KCNH7: variants seen among roughly 807,000 people sequenced by gnomAD.
KCNH7 encodes voltage-gated inwardly rectifying potassium channel KCNH7.
Under a neutral mutation model 120.8 loss-of-function variants are expected in KCNH7, and 49 were observed. That is an observed-to-expected ratio of 0.41 (90% CI 0.32 to 0.51). The LOEUF (loss-of-function observed/expected upper bound fraction) is 0.51, where lower values mean the gene tolerates loss of function less well. Ranked by LOEUF, KCNH7 falls within the 20% of genes least tolerant of loss-of-function variation. KCNH7 has a pLI of 0.38. For missense variants in KCNH7, 1,097 were observed against 1,446.6 expected, an observed-to-expected ratio of 0.76 and a Z score of 3.92; for synonymous variants, 547 against 516.1, an observed-to-expected ratio of 1.06 and a Z score of -0.81.
In KCNH7 at chr2:162,504,447, G is replaced by T; in HGVS notation, c.1124C>A (p.Thr375Asn). Reference sequence around the variant, plus strand: ...GATAAGAAAATTGTGTCCTACCTGGGTCACTTTCTCAGTCACATTGTGTGT... The same window carrying T: ...GATAAGAAAATTGTGTCCTACCTGGTTCACTTTCTCAGTCACATTGTGTGT... ...DRTHNVTEKVTQVLSLGADVL... is the reference protein window; with the variant it reads ...DRTHNVTEKVNQVLSLGADVL... The change falls in exon 6 of 16, where the codon ACC becomes AAC. Residue 375 changes from threonine to asparagine, a missense_variant. Physicochemically the swap from Thr to Asn is moderately conservative, Grantham distance 65 (BLOSUM62 0). Coordinates refer to ENST00000332142, the MANE Select transcript of KCNH7 (RefSeq NM_033272.4). The T allele has an allele frequency of 6.2e-7, 1 of 1,609,516 alleles. No homozygotes were observed.
At chr2:162,600,432 T>A (rs1476641720) in intron 2 of KCNH7, among the ~76,000 whole-genome samples, 1 of 152,114 alleles carries the variant, frequency 6.6e-6, no homozygotes, top group Non-Finnish European at 1.5e-5. Flanking sequence ...GGGTGGACAA[T>A]TTTGTCTCTG....
intron 2 of KCNH7, among the ~76,000 whole-genome samples, chr2:162,747,375 A>G (rs181897242): frequency 6.6e-6 from 1 of 152,318 alleles, no homozygotes; most frequent in African/African-American, 2.4e-5. Context: ...AAAAGGACAG[A>G]AGGCAGCATC....
chr2:162,451,545 C>G (rs1174647740), intron 6 of KCNH7, among the ~76,000 whole-genome samples: 1 of 151,934 alleles, frequency 6.6e-6, no homozygotes, highest in African/African-American at 2.4e-5. Flanking sequence ...CACAGAATGT[C>G]AACTGGGGTA....
At chr2:162,574,027 T>C (rs1167132013) in intron 2 of KCNH7, among the ~76,000 whole-genome samples, 2 of 152,058 alleles carry the variant, frequency 1.3e-5, no homozygotes. Context: ...TCAAATCTTT[T>C]AAGTAGGTAA....
At chr2:162,769,049 CT>C in intron 2 of KCNH7, 1 of 152,258 alleles carries the variant, frequency 6.6e-6, no homozygotes, top group Non-Finnish European at 1.5e-5. Flanking sequence ...TCAGATTATT[CT>C]TGTTTAACTT....
intron 2 of KCNH7, among the ~76,000 whole-genome samples, chr2:162,569,656 T>C (rs1326402085): frequency 6.6e-6 from 1 of 151,634 alleles, no homozygotes; most frequent in Non-Finnish European, 1.5e-5. Flanking sequence ...TGCTTTCTCT[T>C]GTGGGCATTT....
rs200041293 is a variant in KCNH7, at chr2:162,804,766, C to CAA, written c.307+31769_307+31770dup. ...AAAAGCCTTAAAATTCATATGGAAC[C>CAA]AAAAAAAAAAAAGAGACAAATAGCC... On this transcript the variant is annotated intron_variant, in intron 2 of 15. Coordinates refer to ENST00000332142, the MANE Select transcript of KCNH7 (RefSeq NM_033272.4). Among the ~76,000 whole-genome samples, 1,349 of 143,418 alleles carry CAA rather than the reference C, an allele frequency of 9.4e-3. 11 individuals are homozygous for CAA. The highest frequency in any genetic ancestry group is 0.05 in the East Asian group (249 of 4,942). The allele number at this position is 143,418 out of a possible 152,430, so 94.1% of individuals were successfully genotyped here.
At chr2:162,374,410 A>G (rs1686086652) in intron 14 of KCNH7, among the ~76,000 whole-genome samples, 1 of 152,162 alleles carries the variant, frequency 6.6e-6, no homozygotes, top group Non-Finnish European at 1.5e-5. Flanking sequence ...AGCAAAATAT[A>G]ATTGGTCAGA....
At chr2:162,688,624 T>G (rs530350622) in intron 2 of KCNH7, among the ~76,000 whole-genome samples, 48 of 152,278 alleles carry the variant, frequency 3.2e-4, no homozygotes, top group African/African-American at 1.2e-3. Context: ...AGCCACTGAA[T>G]GACTCCTAGA....
chr2:162,790,924 A>T (rs1683914492), intron 2 of KCNH7, among the ~76,000 whole-genome samples: 1 of 152,112 alleles, frequency 6.6e-6, no homozygotes, highest in African/African-American at 2.4e-5. Flanking sequence ...CAGGATGCCC[A>T]TTCTCACCAC....
intron 2 of KCNH7, among the ~76,000 whole-genome samples, chr2:162,772,322 C>G (rs1189650961): frequency 3.3e-5 from 5 of 152,050 alleles, no homozygotes; most frequent in African/African-American, 1.2e-4. Flanking sequence ...TTTTTGATTA[C>G]TCATTAAGGA....
chr2:162,641,499 C>T (rs1449529066), intron 2 of KCNH7, among the ~76,000 whole-genome samples: 1 of 151,836 alleles, frequency 6.6e-6, no homozygotes, highest in Non-Finnish European at 1.5e-5. Flanking sequence ...CCCTTGAGAT[C>T]AGGTCAGGAG....
At chr2:162,751,977 A>G (rs1008637546) in intron 2 of KCNH7, among the ~76,000 whole-genome samples, 6 of 152,104 alleles carry the variant, frequency 3.9e-5, no homozygotes, top group Non-Finnish European at 5.9e-5. Flanking sequence ...GATTTTCAAG[A>G]AAAAATAATT....
chr2:162,622,168 T>C (rs2389738), intron 2 of KCNH7, among the ~76,000 whole-genome samples: 96,079 of 152,058 alleles, frequency 0.63, 31,703 homozygotes, highest in African/African-American at 0.82. Context: ...ATACAATACT[T>C]CTGTGTGTGC....
intron 6 of KCNH7, among the ~76,000 whole-genome samples, chr2:162,467,790 G>A (rs1421641633): frequency 6.6e-6 from 1 of 152,078 alleles, no homozygotes; most frequent in Non-Finnish European, 1.5e-5. Flanking sequence ...ATAAACCATG[G>A]GAATTTATTT....
intron 9 of KCNH7, among the ~76,000 whole-genome samples, chr2:162,419,493 AG>A (rs1167330928): frequency 6.6e-6 from 1 of 152,072 alleles, no homozygotes; most frequent in African/African-American, 2.4e-5. Flanking sequence ...ATGAAATTGC[AG>A]AGAGGTTAAG....
At chr2:162,480,239 A>G (rs1242590094) in intron 6 of KCNH7, among the ~76,000 whole-genome samples, 1 of 152,088 alleles carries the variant, frequency 6.6e-6, no homozygotes, top group South Asian at 2.1e-4. Flanking sequence ...ACTGATTACT[A>G]CATTGTAAAT....
intron 2 of KCNH7, among the ~76,000 whole-genome samples, chr2:162,558,259 C>G (rs574245273): frequency 1.9e-4 from 29 of 151,976 alleles, no homozygotes; most frequent in African/African-American, 6.8e-4. Flanking sequence ...ACTTCAAGCT[C>G]TGCCTCCTGG....
chr2:162,726,364 T>A (rs1045814972), intron 2 of KCNH7, among the ~76,000 whole-genome samples: 1 of 152,166 alleles, frequency 6.6e-6, no homozygotes, highest in African/African-American at 2.4e-5. Flanking sequence ...TTTTTACAAG[T>A]ATTATTATAA....
Sources: allele counts gnomAD v4.1 joint callset (sites outside exome capture counted in the v4.1 genomes callset), GRCh38; gene constraint gnomAD v4.1.1; transcripts MANE v1.5; gene names NCBI Gene and HGNC (gene_info 2026-07-23, HGNC 2026-07-21).